DPH6: variants seen among roughly 807,000 people sequenced by gnomAD.
The protein encoded by DPH6 is diphthamine biosynthesis 6.
A neutral mutation model predicts 38.2 loss-of-function variants in DPH6; 33 were observed. The observed-to-expected ratio is 0.86, with a 90% confidence interval of 0.65 to 1.15. The LOEUF (loss-of-function observed/expected upper bound fraction) is 1.15, where lower values mean the gene tolerates loss of function less well. Among genes scored for constraint, DPH6 ranks in the 50% most tolerant of loss-of-function variants. The pLI is 0.00. For synonymous variants in DPH6, 108 were observed against 103.0 expected (o/e 1.05, Z -0.30); for missense variants, 325 against 320.0 (o/e 1.02, Z -0.12).
At chr15:35,394,878 A>G (rs1419611244) in intron 6 of DPH6, among the ~76,000 whole-genome samples, 2 of 152,154 alleles carry the variant, frequency 1.3e-5, no homozygotes. Context: ...AACTAGCTTG[A>G]TTTGCAAAAG....
rs2055177044 is a variant in DPH6 at position 35,536,855 on chromosome 15, C to T, written c.312+1419G>A. Among the ~76,000 whole-genome samples the T allele has an allele frequency of 2.0e-5, 3 of 152,022 alleles. No homozygotes were observed. In the South Asian group the frequency reaches 6.2e-4, roughly 32 times the overall value. On this transcript the variant is annotated intron_variant, in intron 3 of 8. Transcript: ENST00000256538. ...TTGCACCCTTTTGGAGATATGACCA[C>T]TAAAAGTAGGATTCTTTTAAGCCTT... is the stretch of plus-strand genomic sequence containing the variant.
chr15:35,163,282 A>G, the DPH6 span, among the ~76,000 whole-genome samples: 11 of 151,858 alleles, frequency 7.2e-5, no homozygotes, highest in East Asian at 9.7e-4. Context: ...ACTGCCATTT[A>G]TCTTTCCCCC....
chr15:35,181,441 A>G, the DPH6 span, among the ~76,000 whole-genome samples: 1 of 92,376 alleles, frequency 1.1e-5, no homozygotes, highest in East Asian at 1.3e-3. Flanking sequence ...TTGCCCTCAG[A>G]TTCTCTTGTC....
intron 3 of DPH6, among the ~76,000 whole-genome samples, chr15:35,352,959 C>T (rs1300926381): frequency 4.6e-5 from 7 of 152,138 alleles, no homozygotes; most frequent in South Asian, 2.1e-4. Flanking sequence ...CCTGACTTTT[C>T]AATGATCGCC....
the DPH6 span, among the ~76,000 whole-genome samples, chr15:35,174,654 A>G: frequency 6.6e-6 from 1 of 152,236 alleles, no homozygotes; most frequent in Non-Finnish European, 1.5e-5. Context: ...AATTCAAAGT[A>G]AAAATCTAGA....
the DPH6 span, among the ~76,000 whole-genome samples, chr15:35,170,144 G>A: frequency 6.6e-6 from 1 of 152,184 alleles, no homozygotes; most frequent in Non-Finnish European, 1.5e-5. Flanking sequence ...TTTACATGAA[G>A]TTGGTCAAAT....
the DPH6 span, among the ~76,000 whole-genome samples, chr15:35,185,794 A>G: frequency 0.091 from 12,330 of 135,008 alleles, 695 homozygotes; most frequent in East Asian, 0.31. Flanking sequence ...GCGTGATCTC[A>G]GCTCATCGGC....
At chr15:35,487,885 C>T (rs1459794890) in intron 3 of DPH6, among the ~76,000 whole-genome samples, 2 of 152,214 alleles carry the variant, frequency 1.3e-5, no homozygotes, top group Non-Finnish European at 2.9e-5. Flanking sequence ...TCTCTGTGAA[C>T]ACATATGAGC....
chr15:35,538,750 G>A (rs1327631882), intron 2 of DPH6, among the ~76,000 whole-genome samples: 3 of 151,974 alleles, frequency 2.0e-5, no homozygotes, highest in Non-Finnish European at 4.4e-5. Context: ...CATTTAAAGA[G>A]AAGAGTAATG....
At chr15:35,355,643 C>T (rs892270011) in intron 3 of DPH6, among the ~76,000 whole-genome samples, 9 of 152,242 alleles carry the variant, frequency 5.9e-5, no homozygotes, top group Non-Finnish European at 7.4e-5. Context: ...TAGTTTCTGC[C>T]GAGAGATCAG....
intron 3 of DPH6, among the ~76,000 whole-genome samples, chr15:35,348,858 T>C: frequency 6.6e-6 from 1 of 152,140 alleles, no homozygotes; most frequent in East Asian, 1.9e-4. Flanking sequence ...TATACGTTTT[T>C]TTCCTCCTGG....
In DPH6 at chr15:35,506,018, C is replaced by T. The variant is rs780147867; in HGVS notation, c.312+32256G>A. Among the ~76,000 whole-genome samples the T allele has an allele frequency of 2.0e-4, 30 of 152,188 alleles. 1 individual carries two copies. The highest frequency in any genetic ancestry group is 3.4e-3 in the Middle Eastern group (1 of 294). ...AGTTTGACACTGCAAAGTTCACACA[C>T]AGTATGTCAAATCACTGGCAAGCCC... On this transcript the variant is annotated intron_variant, in intron 3 of 8. Coordinates refer to ENST00000256538, the MANE Select transcript of DPH6 (RefSeq NM_080650.4).
chr15:35,455,268 G>A (rs1026423633), intron 3 of DPH6, among the ~76,000 whole-genome samples: 1 of 152,126 alleles, frequency 6.6e-6, no homozygotes, highest in African/African-American at 2.4e-5. Context: ...GAAAAAAAAT[G>A]ATTGAAATAG....
rs188657747 is a variant in DPH6 at position 35,302,702 on chromosome 15, C to A, written n.200+70819G>T. ...TGTCCTAATTAATCTGTAAATAGCA[C>A]ACCCACAATTAAACCCTGTGGTCCC... On this transcript the variant is annotated intron_variant and non_coding_transcript_variant, in intron 3 of 3. Transcript: ENST00000560386. 4.1e-3 allele frequency among the ~76,000 whole-genome samples: 623 copies of A among 152,202 alleles called. 4 individuals are homozygous for A. Among genetic ancestry groups the A allele is most frequent in the Admixed American group, 9.5e-3 (146 of 15,288 alleles).
the DPH6 span, among the ~76,000 whole-genome samples, chr15:35,145,011 A>G: frequency 6.6e-6 from 1 of 152,194 alleles, no homozygotes; most frequent in Admixed American, 6.5e-5. Context: ...ATTCTGAGGC[A>G]AAGATTTTAG....
downstream of DPH6, among the ~76,000 whole-genome samples, chr15:35,368,207 G>T (rs545162211): frequency 6.6e-6 from 1 of 151,952 alleles, no homozygotes; most frequent in Admixed American, 6.6e-5. Flanking sequence ...TGCATAGTCT[G>T]TAGGATTAAG....
At chr15:35,531,488 T>A (rs1431497125) in intron 3 of DPH6, among the ~76,000 whole-genome samples, 1 of 152,190 alleles carries the variant, frequency 6.6e-6, no homozygotes. Flanking sequence ...AAAATTTTTT[T>A]TGAGGCAGAG....
the DPH6 span, among the ~76,000 whole-genome samples, chr15:35,168,488 A>G: frequency 1.3e-5 from 2 of 151,990 alleles, no homozygotes; most frequent in East Asian, 1.9e-4. Flanking sequence ...TTTCACCAGA[A>G]AGCAGTTTTT....
the DPH6 span, among the ~76,000 whole-genome samples, chr15:35,211,207 G>C: frequency 4.6e-5 from 7 of 152,194 alleles, no homozygotes; most frequent in African/African-American, 1.7e-4. Flanking sequence ...CGAATACAGA[G>C]TGGTGGTGAA....
Sources: gnomAD v4.1 joint callset for allele counts (sites outside exome capture counted in the v4.1 genomes callset) on GRCh38, gnomAD v4.1.1 for gene constraint, MANE v1.5 for transcripts, NCBI Gene and HGNC (gene_info 2026-07-23, HGNC 2026-07-21) for gene names.